Variants in TANC1 observed in about 807,000 individuals in gnomAD.
TANC1 encodes tetratricopeptide repeat, ankyrin repeat and coiled-coil containing 1, also known as protein TANC1.
A neutral mutation model predicts 149.7 loss-of-function variants in TANC1; 77 were observed. That is an observed-to-expected ratio of 0.51 (90% confidence interval 0.43 to 0.62). The LOEUF (loss-of-function observed/expected upper bound fraction) is 0.62, where lower values mean the gene tolerates loss of function less well. Among genes scored for constraint, TANC1 ranks in the 20% least tolerant of loss-of-function variants. The pLI, the probability that TANC1 is intolerant of heterozygous loss-of-function variation, is 0.00. For missense variants in TANC1, 1,985 were observed against 2,321.8 expected, an observed-to-expected ratio of 0.85 and a Z score of 2.98; for synonymous variants, 854 against 925.0, an observed-to-expected ratio of 0.92 and a Z score of 1.39.
intron 3 of TANC1, among the ~76,000 whole-genome samples, chr2:159,080,436 G>A (rs74353156): frequency 0.049 from 7,417 of 152,212 alleles, 574 homozygotes; most frequent in African/African-American, 0.17. Flanking sequence ...GGACCTGGAG[G>A]CTTCTGCCCC....
intron 1 of TANC1, among the ~76,000 whole-genome samples, chr2:158,969,154 C>T (rs1404394720): frequency 2.0e-5 from 3 of 152,212 alleles, no homozygotes; most frequent in Non-Finnish European, 4.4e-5. Flanking sequence ...GCCCGCTCGC[C>T]CCCTTTCCCG....
chr2:159,062,829 C>T (rs1042114134), intron 2 of TANC1, among the ~76,000 whole-genome samples: 45 of 150,742 alleles, frequency 3.0e-4, no homozygotes, highest in Non-Finnish European at 5.8e-4. Context: ...TAGCCGGGCG[C>T]GGTGGTGGGT....
chr2:159,079,346 CTTTT>C (rs68143585), intron 3 of TANC1, among the ~76,000 whole-genome samples: 7 of 109,908 alleles, frequency 6.4e-5, no homozygotes, highest in Non-Finnish European at 1.2e-4. Flanking sequence ...GTGTGTGTGT[CTTTT>C]TTTTTTTTTT....
In TANC1 at chr2:158,977,409, C is replaced by T. The variant is rs560564393; in HGVS notation, c.-126+8627C>T. On this transcript the variant is annotated intron_variant, in intron 1 of 26. Transcript: ENST00000263635. ...CACCATAGCCTCTGCCTCCTGGGTT[C>T]GAGTGATTGTCCTGCCTCAGCCTCC... Among the ~76,000 whole-genome samples, 6 of 152,090 alleles carry T rather than the reference C, an allele frequency of 3.9e-5. No homozygotes were observed. In the South Asian group the frequency reaches 6.2e-4, roughly 16 times the overall value.
At chr2:158,984,456 T>C (rs746023294) in intron 1 of TANC1, among the ~76,000 whole-genome samples, 1 of 152,200 alleles carries the variant, frequency 6.6e-6, no homozygotes, top group Non-Finnish European at 1.5e-5. Flanking sequence ...TTTTTAAAGA[T>C]AAAAAGTTAC....
chr2:159,219,972 C>CAG (rs199599678), intron 22 of TANC1, 105 bp downstream of exon 22: 47 of 773,646 alleles, frequency 6.1e-5, no homozygotes, highest in African/African-American at 3.9e-4. Flanking sequence ...TCAGTGTCAT[C>CAG]AGAGAGTGTG....
intron 4 of TANC1, among the ~76,000 whole-genome samples, chr2:159,120,890 C>T (rs1348597052): frequency 6.6e-6 from 1 of 152,122 alleles, no homozygotes; most frequent in Non-Finnish European, 1.5e-5. Flanking sequence ...CATGAGCCAC[C>T]GTGTCTGGCC....
At chr2:159,095,390 T>C (rs1161138223) in intron 3 of TANC1, among the ~76,000 whole-genome samples, 5 of 152,206 alleles carry the variant, frequency 3.3e-5, no homozygotes, top group African/African-American at 1.2e-4. Context: ...TTTGCTGACA[T>C]GCCCATTGTG....
At chr2:159,133,271 A>C (rs1574878572) in intron 4 of TANC1, among the ~76,000 whole-genome samples, 1 of 152,076 alleles carries the variant, frequency 6.6e-6, no homozygotes, top group South Asian at 2.1e-4. Context: ...AAAATATGTC[A>C]GCAGTTCATT....
intron 7 of TANC1, among the ~76,000 whole-genome samples, chr2:159,157,688 C>T (rs762019547): frequency 3.9e-5 from 6 of 152,210 alleles, no homozygotes; most frequent in Non-Finnish European, 8.8e-5. Context: ...CTTTCATCCA[C>T]TTTTATGAGC....
chr2:159,191,780 C>T (rs2057461054), intron 16 of TANC1, among the ~76,000 whole-genome samples: 1 of 152,072 alleles, frequency 6.6e-6, no homozygotes, highest in African/African-American at 2.4e-5. Context: ...ACTGAAATAC[C>T]ATGAAGTTTT....
At chr2:159,136,031 TGTGTGTGTGTGTGTGTGTGC>T (rs869221286) in intron 4 of TANC1, among the ~76,000 whole-genome samples, 143 bp from the exon 5 acceptor site, 12,942 of 84,472 alleles carry the variant, frequency 0.15, 831 homozygotes, top group Middle Eastern at 0.26. Flanking sequence ...TGTGTGTGTG[TGTGTGTGTGTGTGTGTGTGC>T]GCGCGCGCGC....
intron 16 of TANC1, among the ~76,000 whole-genome samples, chr2:159,189,542 C>CAT (rs1337084833): frequency 3.3e-5 from 5 of 152,294 alleles, no homozygotes; most frequent in East Asian, 1.9e-4. Context: ...GCTTAATGCA[C>CAT]ATATATATAC....
chr2:159,229,791 C>G lies in TANC1; in HGVS notation c.4365C>G (p.His1455Gln), dbSNP rs2151003428. ...TPTPGLSDHF[H>Q]SEETEEEETS... ...CCCCTGGCTTAAGTGACCACTTTCA[C>G]TCTGAGGAGACTGAAGAGGAAGAAA... Residue 1455 changes from histidine (H) to glutamine (Q), a missense_variant, in exon 27 of 27, where the codon CAC becomes CAG. Physicochemically the swap from His to Gln is conservative, Grantham distance 24 (BLOSUM62 0). Coordinates refer to ENST00000263635, the MANE Select transcript of TANC1 (RefSeq NM_033394.3). 1.9e-6 allele frequency: 3 copies of G among 1,614,122 alleles called. No individual in the cohort carries two copies. The highest frequency in any genetic ancestry group is 1.6e-4 in the Middle Eastern group (1 of 6,062).
intron 5 of TANC1, among the ~76,000 whole-genome samples, chr2:159,144,735 A>AG (rs1473315201): frequency 2.0e-5 from 3 of 152,066 alleles, no homozygotes; most frequent in Admixed American, 2.0e-4. Flanking sequence ...AACTCTAAGG[A>AG]GGGAGGGAAT....
At chr2:158,986,336 G>C (rs1376912535) in intron 1 of TANC1, among the ~76,000 whole-genome samples, 1 of 152,214 alleles carries the variant, frequency 6.6e-6, no homozygotes, top group African/African-American at 2.4e-5. Flanking sequence ...CACTCTCTCA[G>C]GAGGGGAGGG....
chr2:159,080,849 C>T (rs1185451844), intron 3 of TANC1, among the ~76,000 whole-genome samples: 3 of 152,196 alleles, frequency 2.0e-5, no homozygotes, highest in African/African-American at 7.2e-5. Flanking sequence ...GCACTGTGCC[C>T]TATCCCTCAG....
intron 10 of TANC1, among the ~76,000 whole-genome samples, chr2:159,171,435 C>G (rs1240201788): frequency 1.3e-5 from 2 of 151,784 alleles, no homozygotes; most frequent in Non-Finnish European, 2.9e-5. Flanking sequence ...AGTTTGAGAC[C>G]AGCTTGGACA....
intron 1 of TANC1, among the ~76,000 whole-genome samples, chr2:158,983,549 T>C (rs918043923): frequency 6.6e-6 from 1 of 150,734 alleles, no homozygotes; most frequent in Admixed American, 6.6e-5. Flanking sequence ...GCTAACAAAC[T>C]CTGGTTTTTA....
Sources: allele counts gnomAD v4.1 joint callset (sites outside exome capture counted in the v4.1 genomes callset), GRCh38; gene constraint gnomAD v4.1.1; transcripts MANE v1.5; gene names NCBI Gene and HGNC (gene_info 2026-07-23, HGNC 2026-07-21).